Variants in RPS6KC1 observed in about 807,000 individuals in gnomAD.
The protein encoded by RPS6KC1 is ribosomal protein S6 kinase C1.
RPS6KC1 carries 54 observed loss-of-function variants against 103.8 expected under a neutral mutation model. The observed-to-expected ratio is 0.52, with a 90% CI of 0.42 to 0.65. The LOEUF (loss-of-function observed/expected upper bound fraction) is 0.65. RPS6KC1 is among the 30% of genes least tolerant of loss of function. The pLI, the probability that RPS6KC1 is intolerant of heterozygous loss-of-function variation, is 0.00. For synonymous variants in RPS6KC1, 439 were observed against 438.7 expected, an observed-to-expected ratio of 1.00 and a Z score of -0.01; for missense variants, 1,151 against 1,253.8, an observed-to-expected ratio of 0.92 and a Z score of 1.24.
chr1:213,820,524 G>A, the RPS6KC1 span: 1 of 152,212 alleles, frequency 6.6e-6, no homozygotes, highest in South Asian at 2.1e-4. Context: ...GCTGGCCTGG[G>A]GCTGGTGGCC....
the RPS6KC1 span, among the ~76,000 whole-genome samples, chr1:213,705,575 T>G: frequency 1.3e-5 from 2 of 152,236 alleles, no homozygotes; most frequent in Non-Finnish European, 1.5e-5. Flanking sequence ...AGCCAAGTCC[T>G]GGAATCACCT....
At chr1:213,540,119 C>CT in the RPS6KC1 span, among the ~76,000 whole-genome samples, 5 of 151,786 alleles carry the variant, frequency 3.3e-5, no homozygotes, top group Non-Finnish European at 5.9e-5. Context: ...CAATTTCTTC[C>CT]TTTTTTTTGT....
the RPS6KC1 span, among the ~76,000 whole-genome samples, chr1:213,832,117 C>T: frequency 6.6e-6 from 1 of 152,158 alleles, no homozygotes; most frequent in Admixed American, 6.6e-5. Context: ...ATCTGGGTCT[C>T]AAGTTTAGTG....
At chr1:213,845,896 G>C in the RPS6KC1 span, among the ~76,000 whole-genome samples, 4 of 152,070 alleles carry the variant, frequency 2.6e-5, no homozygotes, top group African/African-American at 2.4e-5. Flanking sequence ...CCTCCCTGTA[G>C]ATCCTGGATC....
the RPS6KC1 span, among the ~76,000 whole-genome samples, chr1:213,381,304 C>A: frequency 6.6e-6 from 1 of 152,088 alleles, no homozygotes. Flanking sequence ...TTCTTTCCTC[C>A]TCGCTCCTTC....
intron 8 of RPS6KC1, among the ~76,000 whole-genome samples, chr1:213,188,164 A>G (rs1008255405): frequency 2.0e-5 from 3 of 152,144 alleles, no homozygotes; most frequent in African/African-American, 7.2e-5. Flanking sequence ...GCCTGTCCTC[A>G]GGAGTATTTC....
the RPS6KC1 span, among the ~76,000 whole-genome samples, chr1:213,592,561 T>C: frequency 6.6e-6 from 1 of 152,224 alleles, no homozygotes; most frequent in Admixed American, 6.5e-5. Context: ...CCTTCTCCGT[T>C]GTACCTTATT....
At chr1:213,776,037 G>T in the RPS6KC1 span, among the ~76,000 whole-genome samples, 2 of 152,080 alleles carry the variant, frequency 1.3e-5, no homozygotes, top group African/African-American at 4.8e-5. Context: ...CATATTTTCA[G>T]GCTCCACTTC....
chr1:213,434,101 C>A, the RPS6KC1 span, among the ~76,000 whole-genome samples: 8 of 145,202 alleles, frequency 5.5e-5, no homozygotes, highest in Non-Finnish European at 7.5e-5. Flanking sequence ...TAACAACATG[C>A]AGATAAGCAA....
At chr1:213,771,218 A>G in the RPS6KC1 span, among the ~76,000 whole-genome samples, 1 of 152,198 alleles carries the variant, frequency 6.6e-6, no homozygotes, top group Non-Finnish European at 1.5e-5. Context: ...CCTTTCCAGG[A>G]AAGAGTGAGT....
chr1:213,308,296 A>G, the RPS6KC1 span, among the ~76,000 whole-genome samples: 2 of 148,290 alleles, frequency 1.3e-5, no homozygotes, highest in African/African-American at 5.0e-5. Flanking sequence ...CCTGGGTGAC[A>G]GAGTGAGACC....
the RPS6KC1 span, among the ~76,000 whole-genome samples, chr1:213,477,268 A>G: frequency 1.8e-4 from 28 of 152,330 alleles, no homozygotes; most frequent in African/African-American, 6.3e-4. Flanking sequence ...TTTGAAAAGC[A>G]TAAGTATTCT....
chr1:213,091,897 A>G (rs1362645905), intron 3 of RPS6KC1, among the ~76,000 whole-genome samples: 7 of 152,194 alleles, frequency 4.6e-5, no homozygotes, highest in Non-Finnish European at 7.3e-5. Context: ...TTGAGATTTA[A>G]TAAAGTTAAT....
At chr1:213,095,618 G>C (rs754710766) in intron 3 of RPS6KC1, among the ~76,000 whole-genome samples, 10 of 152,236 alleles carry the variant, frequency 6.6e-5, no homozygotes, top group African/African-American at 1.4e-4. Context: ...TACACACACA[G>C]AAATATATAG....
the RPS6KC1 span, among the ~76,000 whole-genome samples, chr1:213,485,511 A>G: frequency 3.3e-5 from 5 of 152,308 alleles, no homozygotes; most frequent in Admixed American, 1.3e-4. Flanking sequence ...AGCATCACAA[A>G]GGGAAGAACC....
the RPS6KC1 span, among the ~76,000 whole-genome samples, chr1:213,287,875 A>G: frequency 1.3e-5 from 2 of 152,190 alleles, no homozygotes; most frequent in African/African-American, 2.4e-5. Context: ...AACTTGATTG[A>G]CCATAATTAA....
the RPS6KC1 span, among the ~76,000 whole-genome samples, chr1:213,374,543 C>A: frequency 1.9e-4 from 29 of 152,232 alleles, no homozygotes; most frequent in East Asian, 4.2e-3. Context: ...TTGCTCTGGG[C>A]TTCCAAAGAA....
chr1:213,274,713 T>C lies in RPS6KC1; in HGVS notation c.*2079T>C, dbSNP rs537259278. On this transcript the variant is annotated 3_prime_UTR_variant, in exon 15 of 15. Coordinates refer to ENST00000366960, the MANE Select transcript of RPS6KC1 (RefSeq NM_012424.6). ...TTTTTGTGGTTGTTTTTTTTTTATA[T>C]TTTGTTTGTTTAAGCAGAAGAGTGG... 1 of 152,260 alleles carries C rather than the reference T, an allele frequency of 6.6e-6. No homozygotes were observed. The highest frequency in any genetic ancestry group is 1.9e-4 in the East Asian group (1 of 5,184). 9.4% of individuals were successfully genotyped at this position (152,260 alleles called of 1,614,324 possible).
At chr1:213,668,965 G>A in the RPS6KC1 span, among the ~76,000 whole-genome samples, 1 of 152,178 alleles carries the variant, frequency 6.6e-6, no homozygotes, top group African/African-American at 2.4e-5. Flanking sequence ...CTAGGGGCTT[G>A]TTCTGTATTT....
Sources: gnomAD v4.1 joint callset for allele counts (sites outside exome capture counted in the v4.1 genomes callset) on GRCh38, gnomAD v4.1.1 for gene constraint, MANE v1.5 for transcripts, NCBI Gene and HGNC (gene_info 2026-07-23, HGNC 2026-07-21) for gene names.